SLC13A4: variants seen among roughly 807,000 people sequenced by gnomAD.
SLC13A4 encodes the protein Na(+)/sulfate cotransporter SUT-1.
In SLC13A4, 28 loss-of-function variants were observed where a neutral mutation model predicts 72.7. The ratio of observed to expected loss-of-function variants is 0.39; its 90% CI spans 0.29 to 0.53. The LOEUF (loss-of-function observed/expected upper bound fraction) is 0.53. Ranked by LOEUF, SLC13A4 falls within the 20% of genes least tolerant of loss-of-function variation. The pLI is 0.78. For synonymous variants in SLC13A4, 312 were observed against 325.5 expected (o/e 0.96, Z 0.45); for missense variants, 653 against 788.0 (o/e 0.83, Z 2.05).
intron 3 of SLC13A4, chr7:135,707,677 G>A (rs975414647): frequency 6.5e-6 from 1 of 154,790 alleles, no homozygotes; most frequent in Non-Finnish European, 1.4e-5. Context: ...CTCTAACTGG[G>A]TCTGTGGTCT....
chr7:135,694,137 C>G lies in SLC13A4; in HGVS notation c.1121G>C (p.Ser374Thr). Residue 374 changes from serine (S) to threonine (T), a missense_variant and splice_region_variant, in exon 10 of 16, where the codon AGC becomes ACC. Physicochemically the swap from Ser to Thr is moderately conservative, Grantham distance 58. Coordinates refer to ENST00000682651, the MANE Select transcript of SLC13A4 (RefSeq NM_001318192.2). Reference protein sequence around the residue: ...QEEYEKLGDISYPEMVTGFFF... With the variant: ...QEEYEKLGDITYPEMVTGFFF... ...GGGAAGAGGAATGGCTGATTTTTACCTAATGTCTCCCAGTTTTTCATATTC... is the reference window on the plus strand; with the variant it reads ...GGGAAGAGGAATGGCTGATTTTTACGTAATGTCTCCCAGTTTTTCATATTC... 6.3e-7 allele frequency: 1 copy of G among 1,585,666 alleles called. No individual in the cohort carries two copies. Among genetic ancestry groups the G allele is most frequent in the Non-Finnish European group, 8.7e-7 (1 of 1,154,300 alleles).
intron 13 of SLC13A4, among the ~76,000 whole-genome samples, chr7:135,689,409 C>T (rs957985748): frequency 6.6e-5 from 10 of 152,084 alleles, no homozygotes; most frequent in Non-Finnish European, 1.5e-4. Flanking sequence ...GACATGAGTG[C>T]CAAGGATGCT....
intron 8 of SLC13A4, among the ~76,000 whole-genome samples, chr7:135,695,690 T>TA (rs35675092): frequency 3.9e-4 from 59 of 152,180 alleles, no homozygotes; most frequent in Non-Finnish European, 6.9e-4. Flanking sequence ...TGAAACTAGC[T>TA]AAAAAAAGGA....
intron 3 of SLC13A4, among the ~76,000 whole-genome samples, chr7:135,706,536 C>T (rs933008897): frequency 8.5e-5 from 13 of 152,190 alleles, no homozygotes; most frequent in Non-Finnish European, 1.9e-4. Flanking sequence ...CGGCCTTAGC[C>T]AGAAAAAAGT....
In SLC13A4 at chr7:135,706,255, C is replaced by G. The variant is rs753791227; in HGVS notation, c.411G>C (p.Trp137Cys). Residue 137 changes from tryptophan to cysteine, a missense_variant, in exon 4 of 16, where the codon TGG (tryptophan) becomes TGC (cysteine). Coordinates refer to ENST00000682651, the MANE Select transcript of SLC13A4 (RefSeq NM_001318192.2). ...FMCCTTLLSMWLSNTSTTAMV... is the reference protein window; with the variant it reads ...FMCCTTLLSMCLSNTSTTAMV... ...TGGCGGTGGTGGAGGTGTTGGACAGCCACATGGACAGCAACGTGGTACAGC... is the reference window on the plus strand; with the variant it reads ...TGGCGGTGGTGGAGGTGTTGGACAGGCACATGGACAGCAACGTGGTACAGC... 10 of 1,613,728 alleles carry G rather than the reference C, an allele frequency of 6.2e-6. 1 individual carries two copies. In the South Asian group the frequency reaches 1.1e-4, roughly 18 times the overall value.
chr7:135,685,428 A>G, intron 14 of SLC13A4, 94 bp downstream of exon 14: 5 of 1,062,632 alleles, frequency 4.7e-6, no homozygotes, highest in East Asian at 2.4e-5. Context: ...ACCAGAGGAG[A>G]GCCTACAGCT....
chr7:135,718,092 CGCGCGCGCACGCGT>C (rs930921249), intron 2 of SLC13A4, among the ~76,000 whole-genome samples: 2 of 147,202 alleles, frequency 1.4e-5, no homozygotes, highest in African/African-American at 2.5e-5. Flanking sequence ...CACACACGCG[CGCGCGCGCACGCGT>C]GCGCGCTAGT....
At chr7:135,727,066 G>A (rs1720521446) in intron 1 of SLC13A4, among the ~76,000 whole-genome samples, 1 of 152,174 alleles carries the variant, frequency 6.6e-6, no homozygotes, top group African/African-American at 2.4e-5. Flanking sequence ...GCACCATGTC[G>A]TTTGCATGGG....
chr7:135,726,927 C>A (rs56313897), intron 1 of SLC13A4, among the ~76,000 whole-genome samples: 1 of 152,304 alleles, frequency 6.6e-6, no homozygotes, highest in Non-Finnish European at 1.5e-5. Flanking sequence ...GACCACAGAC[C>A]ACGGATTGGC....
At chr7:135,719,124 C>T (rs1236581051) in intron 2 of SLC13A4, among the ~76,000 whole-genome samples, 2 of 152,236 alleles carry the variant, frequency 1.3e-5, no homozygotes, top group African/African-American at 4.8e-5. Context: ...AATAGTGACA[C>T]ACAGTCCCTC....
chr7:135,683,650 T>C (rs1795556651), intron 15 of SLC13A4: 1 of 985,336 alleles, frequency 1.0e-6, no homozygotes, highest in South Asian at 4.7e-5. Context: ...CCATTGTTGC[T>C]TCAGGGGTTT....
chr7:135,691,421 G>T, intron 12 of SLC13A4, 96 bp from the exon 13 acceptor site: 2 of 881,662 alleles, frequency 2.3e-6, no homozygotes, highest in Non-Finnish European at 3.4e-6. Context: ...TTGGGATACT[G>T]CTATTTGGGG....
chr7:135,694,345 C>A, intron 9 of SLC13A4, 107 bp from the exon 10 acceptor site: 1 of 688,662 alleles, frequency 1.5e-6, no homozygotes, highest in Non-Finnish European at 2.6e-6. Context: ...TCACTTTTCT[C>A]CTCTTTCACA....
chr7:135,691,757 A>G (rs981464604), intron 11 of SLC13A4, 112 bp from the exon 12 acceptor site: 2 of 698,236 alleles, frequency 2.9e-6, no homozygotes, highest in African/African-American at 1.8e-5. Context: ...ACTTATCTAG[A>G]GGTAACATTA....
Position 135,701,750 on chromosome 7 carries a change from C to T in SLC13A4, c.644G>A (p.Gly215Asp), listed in dbSNP as rs1450071019. The T allele has an allele frequency of 8.7e-6, 14 of 1,613,714 alleles. No individual in the cohort carries two copies. The highest frequency in any genetic ancestry group is 1.1e-5 in the Non-Finnish European group (13 of 1,179,834). The stretch of plus-strand genomic sequence containing the variant: ...GATGGGGTTGGTGATCGAGGGCACA[C>T]CATTCAGGTTCTGTTGGGACAAAGG... ...TTLMHNENLN[G>D]VPSITNPIKT... The change falls in exon 7 of 16, where the codon GGT becomes GAT. Residue 215 changes from glycine to aspartate, a missense_variant. Coordinates refer to ENST00000682651, the MANE Select transcript of SLC13A4 (RefSeq NM_001318192.2).
chr7:135,692,374 C>A lies in SLC13A4; in HGVS notation c.1172G>T (p.Trp391Leu). The change falls in exon 11 of 16, where the codon TGG becomes TTG. Residue 391 changes from tryptophan (W) to leucine (L), a missense_variant. Physicochemically the swap from Trp to Leu is moderately conservative, Grantham distance 61. Coordinates refer to ENST00000682651, the MANE Select transcript of SLC13A4 (RefSeq NM_001318192.2). ...GACAAAGCCAGGCTCCCGGGTAAAC[C>A]ACAGTACGGTCATCAGGATGAAGAA... ...GFFFILMTVL[W>L]FTREPGFVPG... is the part of the protein sequence containing the mutation. 1 of 1,614,004 alleles carries A rather than the reference C, an allele frequency of 6.2e-7. No individual in the cohort carries two copies. The highest frequency in any genetic ancestry group is 8.5e-7 in the Non-Finnish European group (1 of 1,179,974).
intron 2 of SLC13A4, among the ~76,000 whole-genome samples, chr7:135,713,555 AT>A (rs1004463756): frequency 2.0e-5 from 3 of 151,174 alleles, no homozygotes; most frequent in South Asian, 2.1e-4. Flanking sequence ...GTGGGCTCTT[AT>A]TTTTTTTTAA....
chr7:135,724,904 T>A (rs1796621904), intron 1 of SLC13A4, among the ~76,000 whole-genome samples: 1 of 152,212 alleles, frequency 6.6e-6, no homozygotes, highest in African/African-American at 2.4e-5. Context: ...CTGCAAAGTT[T>A]GCTTACAAGG....
intron 1 of SLC13A4, among the ~76,000 whole-genome samples, chr7:135,725,829 G>A (rs1584745509): frequency 6.6e-6 from 1 of 152,104 alleles, no homozygotes; most frequent in African/African-American, 2.4e-5. Flanking sequence ...GCTGCATGTG[G>A]TGGTACTTGC....
Sources: gnomAD v4.1 joint callset for allele counts (sites outside exome capture counted in the v4.1 genomes callset) on GRCh38, gnomAD v4.1.1 for gene constraint, MANE v1.5 for transcripts, NCBI Gene and HGNC (gene_info 2026-07-23, HGNC 2026-07-21) for gene names.